The following COBL variants were observed in gnomAD, a reference collection of about 807,000 sequenced individuals.
COBL encodes the protein protein cordon-bleu.
Under a neutral mutation model 98.8 loss-of-function variants are expected in COBL, and 51 were observed. That is an observed-to-expected ratio of 0.52 (90% confidence interval 0.41 to 0.65). The LOEUF (loss-of-function observed/expected upper bound fraction) is 0.65, where lower values mean the gene tolerates loss of function less well. Ranked by LOEUF, COBL falls within the 30% of genes least tolerant of loss-of-function variation. The pLI, the probability that COBL is intolerant of heterozygous loss-of-function variation, is 0.00. For missense variants in COBL, 1,617 were observed against 1,617.5 expected, an observed-to-expected ratio of 1.00 and a Z score of 0.01; for synonymous variants, 634 against 651.7, an observed-to-expected ratio of 0.97 and a Z score of 0.41.
intron 4 of COBL, chr7:51,188,064 G>A (rs10241270): frequency 1.1e-6 from 1 of 922,876 alleles, no homozygotes; most frequent in Non-Finnish European, 1.4e-6. Flanking sequence ...CTGTCCTGCT[G>A]CAGCAGTGAG....
chr7:51,018,804 A>T (rs1351538119), intron 12 of COBL, among the ~76,000 whole-genome samples: 2 of 149,772 alleles, frequency 1.3e-5, no homozygotes, highest in East Asian at 3.9e-4. Flanking sequence ...AGGCAAGAGA[A>T]TAGCTTGAAC....
At chr7:51,301,070 C>T (rs1056324814) in intron 1 of COBL, among the ~76,000 whole-genome samples, 4 of 152,134 alleles carry the variant, frequency 2.6e-5, no homozygotes, top group African/African-American at 4.8e-5. Context: ...TCACCCCGCA[C>T]GCTGAGATGA....
chr7:51,050,128 T>C (rs1583612844), intron 7 of COBL, among the ~76,000 whole-genome samples: 1 of 152,210 alleles, frequency 6.6e-6, no homozygotes, highest in South Asian at 2.1e-4. Context: ...AGCACTACTA[T>C]ATACACACAC....
At chr7:51,156,557 C>T (rs1444917238) in intron 5 of COBL, 2 of 985,140 alleles carry the variant, frequency 2.0e-6, no homozygotes, top group East Asian at 1.1e-4. Flanking sequence ...GGATGGCAAA[C>T]ATTCTTAGCC....
chr7:51,195,274 T>G (rs1366661485), intron 2 of COBL, among the ~76,000 whole-genome samples: 1 of 152,156 alleles, frequency 6.6e-6, no homozygotes, highest in African/African-American at 2.4e-5. Context: ...GAATAGGGAG[T>G]TATTTCCCCA....
chr7:51,226,558 C>G (rs78941265), intron 1 of COBL, among the ~76,000 whole-genome samples: 3,844 of 72,310 alleles, frequency 0.053, 155 homozygotes, highest in African/African-American at 0.13. Context: ...AAGTGAGTGA[C>G]TAAGTGAGTG....
intron 1 of COBL, among the ~76,000 whole-genome samples, chr7:51,245,220 G>C (rs1282471030): frequency 1.3e-5 from 2 of 152,056 alleles, no homozygotes; most frequent in African/African-American, 2.4e-5. Flanking sequence ...TGAAACTCCT[G>C]CTTTCACATC....
At chr7:51,267,910 C>T (rs1798370445) in intron 1 of COBL, among the ~76,000 whole-genome samples, 1 of 152,216 alleles carries the variant, frequency 6.6e-6, no homozygotes, top group Non-Finnish European at 1.5e-5. Context: ...CAAATATTCT[C>T]TTCCCAAATT....
chr7:51,307,079 T>C (rs113993401), intron 1 of COBL, among the ~76,000 whole-genome samples: 4 of 152,272 alleles, frequency 2.6e-5, no homozygotes, highest in African/African-American at 9.6e-5. Flanking sequence ...GTGCAGTGGC[T>C]CAGGCCCATA....
chr7:51,074,986 A>G (rs1190606620), intron 7 of COBL, among the ~76,000 whole-genome samples: 3 of 152,226 alleles, frequency 2.0e-5, no homozygotes, highest in Non-Finnish European at 4.4e-5. Flanking sequence ...TTTAACCTGT[A>G]GCCAGTCAAT....
At chr7:51,045,521 G>C (rs1045233474) in intron 7 of COBL, among the ~76,000 whole-genome samples, 1 of 152,232 alleles carries the variant, frequency 6.6e-6, no homozygotes, top group Non-Finnish European at 1.5e-5. Context: ...GTGGCACACA[G>C]TAGGGGCCAC....
chr7:51,314,110 C>A (rs1388877948), intron 1 of COBL, among the ~76,000 whole-genome samples: 1 of 152,238 alleles, frequency 6.6e-6, no homozygotes, highest in Non-Finnish European at 1.5e-5. Context: ...TTTAGCCAGA[C>A]ACAGAGTCAG....
At chr7:51,120,244 G>A (rs1797629412) in intron 6 of COBL, among the ~76,000 whole-genome samples, 1 of 151,998 alleles carries the variant, frequency 6.6e-6, no homozygotes, top group South Asian at 2.1e-4. Context: ...ACATGGAGAG[G>A]GAGGGTAAAT....
chr7:51,142,580 T>G (rs1256328292), intron 5 of COBL, among the ~76,000 whole-genome samples: 1 of 151,984 alleles, frequency 6.6e-6, no homozygotes, highest in Non-Finnish European at 1.5e-5. Context: ...GACAGGGTTT[T>G]GCCATCTTGG....
At chr7:51,083,275 G>A (rs1436848016) in intron 7 of COBL, 18 of 1,404,016 alleles carry the variant, frequency 1.3e-5, no homozygotes, top group African/African-American at 1.5e-5. Flanking sequence ...AAACCAAGCC[G>A]TCACTCACTA....
At chr7:51,149,822 C>T (rs1785391254) in intron 5 of COBL, among the ~76,000 whole-genome samples, 1 of 152,102 alleles carries the variant, frequency 6.6e-6, no homozygotes, top group African/African-American at 2.4e-5. Context: ...GTAAATAGCA[C>T]CTTTGTTGGC....
chr7:51,217,532 G>C (rs1220852633), intron 2 of COBL, among the ~76,000 whole-genome samples: 1 of 151,218 alleles, frequency 6.6e-6, no homozygotes, highest in East Asian at 1.9e-4. Flanking sequence ...TATTAGAGAC[G>C]GGGTTTCACC....
intron 6 of COBL, among the ~76,000 whole-genome samples, chr7:51,109,786 A>C (rs2128975322): frequency 6.6e-6 from 1 of 152,308 alleles, no homozygotes; most frequent in Non-Finnish European, 1.5e-5. Flanking sequence ...CGTGAGGGGA[A>C]GACAGAAAGA....
intron 7 of COBL, among the ~76,000 whole-genome samples, chr7:51,067,282 T>C (rs570691445): frequency 6.6e-6 from 1 of 152,382 alleles, no homozygotes; most frequent in East Asian, 1.9e-4. Flanking sequence ...AAGTTACAAA[T>C]GTATATAGAT....
Sources: gnomAD v4.1 joint callset for allele counts (sites outside exome capture counted in the v4.1 genomes callset) on GRCh38, gnomAD v4.1.1 for gene constraint, MANE v1.5 for transcripts, NCBI Gene and HGNC (gene_info 2026-07-23, HGNC 2026-07-21) for gene names.